The following CRY1 variants were observed in gnomAD, a reference collection of about 807,000 sequenced individuals.
The protein encoded by CRY1 is cryptochrome-1.
CRY1 carries 45 observed loss-of-function variants against 76.0 expected under a neutral mutation model. The observed-to-expected ratio is 0.59, with a 90% CI of 0.47 to 0.76. CRY1 has a LOEUF of 0.76. Among genes scored for constraint, CRY1 ranks in the 30% least tolerant of loss-of-function variants. The pLI, the probability that CRY1 is intolerant of heterozygous loss-of-function variation, is 0.00. For synonymous variants in CRY1, 248 were observed against 244.0 expected (o/e 1.02, Z -0.15); for missense variants, 587 against 716.4 (o/e 0.82, Z 2.06).
At chr12:107,001,392 C>T (rs1299801062) in intron 4 of CRY1, 24 bp from the exon 5 acceptor site, 1 of 1,565,680 alleles carries the variant, frequency 6.4e-7, no homozygotes, top group Non-Finnish European at 8.7e-7. Flanking sequence ...AAGAAAAAAA[C>T]ATCATTCTTC....
At chr12:107,005,868 T>C (rs1368107590) in intron 2 of CRY1, among the ~76,000 whole-genome samples, 1 of 152,200 alleles carries the variant, frequency 6.6e-6, no homozygotes, top group Non-Finnish European at 1.5e-5. Flanking sequence ...GCTATGTTAA[T>C]AAGTTCTGTA....
chr12:107,085,678 G>C (rs376767321), intron 1 of CRY1, among the ~76,000 whole-genome samples: 2 of 152,098 alleles, frequency 1.3e-5, no homozygotes, highest in African/African-American at 4.8e-5. Flanking sequence ...GGGGCAAGGG[G>C]ATGGAGACCA....
intron 1 of CRY1, among the ~76,000 whole-genome samples, chr12:107,091,779 T>G (rs560046824): frequency 2.7e-4 from 41 of 152,298 alleles, no homozygotes; most frequent in Non-Finnish European, 5.1e-4. Flanking sequence ...TCAAGCATAT[T>G]TCTGCCTTTT....
chr12:106,992,963 A>AAAG lies in CRY1; in HGVS notation c.1657+1_1657+2insCTT. ...CAGTATGCTCCAATGCTTCATTCTT[A>AAAG]CCTTGCTTCAACAGGTGAGTTTGCT... On this transcript the variant is annotated splice_donor_variant, in intron 11 of 12. Transcript: ENST00000008527. LOFTEE classifies it high-confidence loss of function. The AAAG allele has an allele frequency of 6.2e-7, 1 of 1,614,062 alleles. No homozygotes were observed. Among genetic ancestry groups the AAAG allele is most frequent in the Non-Finnish European group, 8.5e-7 (1 of 1,179,934 alleles).
At chr12:107,029,948 G>A (rs1184409445) in intron 1 of CRY1, among the ~76,000 whole-genome samples, 1 of 152,120 alleles carries the variant, frequency 6.6e-6, no homozygotes, top group African/African-American at 2.4e-5. Context: ...GAGCGGCTTA[G>A]GCAAAAATTT....
At chr12:107,092,770 AC>A in intron 1 of CRY1, 33 bp downstream of exon 1, 2 of 1,609,174 alleles carry the variant, frequency 1.2e-6, no homozygotes, top group Non-Finnish European at 1.7e-6. Flanking sequence ...CTCATTAAAC[AC>A]CCAAATCCAT....
intron 10 of CRY1, among the ~76,000 whole-genome samples, chr12:106,995,684 G>A (rs1952226616): frequency 6.6e-6 from 1 of 151,342 alleles, no homozygotes; most frequent in Non-Finnish European, 1.5e-5. Context: ...TGGGGTACAT[G>A]TGCAGGATGT....
At chr12:107,013,720 C>T (rs1952469041) in intron 2 of CRY1, among the ~76,000 whole-genome samples, 1 of 152,132 alleles carries the variant, frequency 6.6e-6, no homozygotes, top group Non-Finnish European at 1.5e-5. Flanking sequence ...TGAAATGTGA[C>T]TAGCTGGCAC....
At chr12:106,993,676 G>C (rs1952202383) in intron 10 of CRY1, among the ~76,000 whole-genome samples, 1 of 151,982 alleles carries the variant, frequency 6.6e-6, no homozygotes, top group Admixed American at 6.6e-5. Flanking sequence ...AACACCTTAT[G>C]GCCTGAACAA....
intron 1 of CRY1, among the ~76,000 whole-genome samples, chr12:107,060,635 C>T (rs966725922): frequency 6.6e-6 from 1 of 152,132 alleles, no homozygotes; most frequent in Non-Finnish European, 1.5e-5. Flanking sequence ...TGGGTAAATG[C>T]TCAAATCAGG....
chr12:107,067,327 T>C (rs1953125100), intron 1 of CRY1, among the ~76,000 whole-genome samples: 2 of 152,306 alleles, frequency 1.3e-5, no homozygotes, highest in East Asian at 1.9e-4. Context: ...ATCGACTCTA[T>C]ATTGACAAAA....
chr12:107,078,292 G>A (rs965740268), intron 1 of CRY1, among the ~76,000 whole-genome samples: 15 of 151,876 alleles, frequency 9.9e-5, no homozygotes, highest in Admixed American at 9.9e-4. Context: ...ACAACATCTA[G>A]CATTCTAGAT....
chr12:107,028,833 T>C (rs1952644771), intron 1 of CRY1, among the ~76,000 whole-genome samples: 1 of 152,198 alleles, frequency 6.6e-6, no homozygotes, highest in Admixed American at 6.5e-5. Context: ...TTCTGAAATA[T>C]TGACCAAGAC....
intron 1 of CRY1, among the ~76,000 whole-genome samples, chr12:107,078,759 G>T (rs755704437): frequency 2.0e-5 from 3 of 152,060 alleles, no homozygotes; most frequent in Non-Finnish European, 4.4e-5. Context: ...GTCTATTTCT[G>T]TGTTTCCTAA....
chr12:107,016,658 G>A (rs1436068965), intron 2 of CRY1, among the ~76,000 whole-genome samples: 1 of 152,080 alleles, frequency 6.6e-6, no homozygotes, highest in Non-Finnish European at 1.5e-5. Flanking sequence ...ATATACTGAA[G>A]AGTCCTAAAT....
chr12:107,035,749 T>C (rs917165266), intron 1 of CRY1, among the ~76,000 whole-genome samples: 3 of 152,044 alleles, frequency 2.0e-5, no homozygotes, highest in Admixed American at 1.3e-4. Flanking sequence ...TATCGGGGGG[T>C]ATAATTTTAT....
chr12:107,074,450 A>G (rs1030312463), intron 1 of CRY1, among the ~76,000 whole-genome samples: 1 of 152,236 alleles, frequency 6.6e-6, no homozygotes, highest in Non-Finnish European at 1.5e-5. Flanking sequence ...GACAGATAGG[A>G]TAAGATAAAA....
chr12:107,089,995 A>C (rs1034108274), intron 1 of CRY1, among the ~76,000 whole-genome samples: 7 of 152,162 alleles, frequency 4.6e-5, no homozygotes, highest in African/African-American at 1.7e-4. Flanking sequence ...TGCTAAATCC[A>C]ATTTTTATTT....
chr12:106,992,927 AG>A, intron 11 of CRY1, 37 bp from the exon 12 acceptor site: 1 of 1,613,912 alleles, frequency 6.2e-7, no homozygotes, highest in South Asian at 1.1e-5. Flanking sequence ...AGATAGGAAA[AG>A]GAAAAAGAAC....
Sources: allele counts gnomAD v4.1 joint callset (sites outside exome capture counted in the v4.1 genomes callset), GRCh38; gene constraint gnomAD v4.1.1; transcripts MANE v1.5; gene names NCBI Gene and HGNC (gene_info 2026-07-23, HGNC 2026-07-21).